The following PDE4D variants were observed in gnomAD, a reference collection of about 807,000 sequenced individuals.
PDE4D encodes the protein 3',5'-cyclic-AMP phosphodiesterase 4D.
Under a neutral mutation model 87.4 loss-of-function variants are expected in PDE4D, and 24 were observed. That is an observed-to-expected ratio of 0.27 (90% CI 0.20 to 0.39). The LOEUF (loss-of-function observed/expected upper bound fraction) is 0.39, where lower values mean the gene tolerates loss of function less well. Among genes scored for constraint, PDE4D ranks in the 10% least tolerant of loss-of-function variants. The pLI, the probability that PDE4D is intolerant of heterozygous loss-of-function variation, is 1.00. For synonymous variants in PDE4D, 384 were observed against 383.2 expected, an observed-to-expected ratio of 1.00 and a Z score of -0.02; for missense variants, 714 against 1,041.0, an observed-to-expected ratio of 0.69 and a Z score of 4.32.
chr5:60,318,081 G>A (rs1229752714), intron 1 of PDE4D, among the ~76,000 whole-genome samples: 3 of 152,144 alleles, frequency 2.0e-5, no homozygotes, highest in Non-Finnish European at 4.4e-5. Context: ...AATGTTGACA[G>A]TGGGGTGTTA....
chr5:60,069,784 T>C (rs1222954285), intron 2 of PDE4D, among the ~76,000 whole-genome samples: 1 of 152,188 alleles, frequency 6.6e-6, no homozygotes, highest in Non-Finnish European at 1.5e-5. Flanking sequence ...GTATGGATAT[T>C]TTAACAATGT....
chr5:59,643,050 C>G lies in PDE4D; in HGVS notation c.455+250118G>C, dbSNP rs1050650545. ...CAAAGGAGTCAGGTTTATGCTTGCT[C>G]ATGAAAGAATGGAAAAACTGGACAA... On this transcript the variant is annotated intron_variant, in intron 1 of 14. Coordinates refer to ENST00000340635, the MANE Select transcript of PDE4D (RefSeq NM_001104631.2). 2.6e-5 allele frequency among the ~76,000 whole-genome samples: 4 copies of G among 152,036 alleles called. 1 individual carries two copies. Among genetic ancestry groups the G allele is most frequent in the Admixed American group, 2.6e-4 (4 of 15,248 alleles).
intron 5 of PDE4D, among the ~76,000 whole-genome samples, chr5:59,160,786 C>T (rs540893894): frequency 2.0e-5 from 3 of 151,980 alleles, no homozygotes; most frequent in African/African-American, 7.2e-5. Flanking sequence ...GATTTCTGAG[C>T]TTAGATGCTC....
At chr5:60,410,222 G>A (rs1207759098) in intron 1 of PDE4D, among the ~76,000 whole-genome samples, 1 of 152,154 alleles carries the variant, frequency 6.6e-6, no homozygotes, top group Non-Finnish European at 1.5e-5. Flanking sequence ...CAAAGGCTGG[G>A]TGTGGAGAGT....
chr5:59,232,697 T>A (rs1180404640), intron 1 of PDE4D, among the ~76,000 whole-genome samples: 1 of 151,840 alleles, frequency 6.6e-6, no homozygotes, highest in African/African-American at 2.4e-5. Flanking sequence ...GGAAAGGAAA[T>A]CTGTATATCA....
At chr5:60,033,933 T>C (rs1767517490) in intron 2 of PDE4D, among the ~76,000 whole-genome samples, 1 of 152,198 alleles carries the variant, frequency 6.6e-6, no homozygotes, top group African/African-American at 2.4e-5. Context: ...TAATATACAC[T>C]GCTAGCTCAG....
At chr5:59,777,986 GTAA>G (rs1303093904) in intron 1 of PDE4D, among the ~76,000 whole-genome samples, 1 of 152,080 alleles carries the variant, frequency 6.6e-6, no homozygotes, top group Non-Finnish European at 1.5e-5. Flanking sequence ...TAAATTAAAA[GTAA>G]TAATTACATA....
rs147977992 is a variant in PDE4D at position 59,154,712 on chromosome 5, G to A, written c.808+25883C>T. Among the ~76,000 whole-genome samples the A allele has an allele frequency of 6.4e-3, 981 of 152,140 alleles. 11 individuals are homozygous for A. The highest frequency in any genetic ancestry group is 0.021 in the African/African-American group (867 of 41,536). ...ACCAGCCTGGCCAACATAGTGAAAC[G>A]CTGTCTCTACTAAAAATACAAAAAT... is the stretch of plus-strand genomic sequence containing the variant. On this transcript the variant is annotated intron_variant, in intron 5 of 14. Coordinates refer to ENST00000340635, the MANE Select transcript of PDE4D (RefSeq NM_001104631.2).
In PDE4D at chr5:60,324,778, G is replaced by A. The variant is rs538440071; in HGVS notation, c.-89-139091C>T. Among the ~76,000 whole-genome samples, 4 of 152,338 alleles carry A rather than the reference G, an allele frequency of 2.6e-5. No homozygotes were observed. In the East Asian group the frequency reaches 7.7e-4, roughly 29 times the overall value. ...TTCCTTAAGTCTGTATAAAATGGAGGTGATAATACCTACGCCTCATATGGT... is the reference window on the plus strand; with the variant it reads ...TTCCTTAAGTCTGTATAAAATGGAGATGATAATACCTACGCCTCATATGGT... On this transcript the variant is annotated intron_variant, in intron 1 of 16. Coordinates refer to the PDE4D transcript ENST00000502484.
intron 1 of PDE4D, among the ~76,000 whole-genome samples, chr5:59,881,111 A>C (rs377740981): frequency 4.2e-4 from 64 of 152,284 alleles, no homozygotes; most frequent in African/African-American, 1.4e-3. Flanking sequence ...TTGAATTGGC[A>C]ATTATTTTCT....
chr5:59,064,929 T>C (rs916599840), intron 5 of PDE4D, among the ~76,000 whole-genome samples: 3 of 152,094 alleles, frequency 2.0e-5, no homozygotes, highest in Non-Finnish European at 4.4e-5. Context: ...GTCCCACTTC[T>C]TGGTATATAT....
chr5:59,023,766 A>G (rs1755679611), intron 6 of PDE4D, among the ~76,000 whole-genome samples: 1 of 152,216 alleles, frequency 6.6e-6, no homozygotes, highest in Non-Finnish European at 1.5e-5. Flanking sequence ...CATGCCTTAC[A>G]TTAGAAGGTA....
intron 1 of PDE4D, among the ~76,000 whole-genome samples, chr5:60,257,186 A>AAAAG (rs199523254): frequency 2.0e-5 from 3 of 147,950 alleles, no homozygotes; most frequent in Admixed American, 6.8e-5. Context: ...CAAAGAAAGA[A>AAAAG]AAAGAAAGAA....
At chr5:60,028,692 G>C (rs1766916496) in intron 2 of PDE4D, among the ~76,000 whole-genome samples, 1 of 152,042 alleles carries the variant, frequency 6.6e-6, no homozygotes, top group East Asian at 1.9e-4. Context: ...ATAGTTCTTT[G>C]CTTTAAGACC....
At chr5:60,088,917 C>T (rs546635785) in intron 2 of PDE4D, among the ~76,000 whole-genome samples, 18 of 152,020 alleles carry the variant, frequency 1.2e-4, no homozygotes, top group Admixed American at 5.9e-4. Flanking sequence ...ATGCTGTCTA[C>T]AAGAAACTCA....
intron 1 of PDE4D, among the ~76,000 whole-genome samples, chr5:59,234,386 CA>C (rs756570627): frequency 1.3e-5 from 2 of 151,880 alleles, no homozygotes; most frequent in Admixed American, 6.6e-5. Flanking sequence ...ATGAGGAGTC[CA>C]AAATGGCACA....
At chr5:59,651,183 G>A (rs2150238526) in intron 1 of PDE4D, among the ~76,000 whole-genome samples, 1 of 151,210 alleles carries the variant, frequency 6.6e-6, no homozygotes, top group South Asian at 2.1e-4. Flanking sequence ...GTGAACCCAG[G>A]AGGCGGAGCT....
chr5:60,413,451 GAGGAGGA>G (rs1041869314), intron 1 of PDE4D, among the ~76,000 whole-genome samples: 2 of 152,150 alleles, frequency 1.3e-5, no homozygotes, highest in African/African-American at 2.4e-5. Flanking sequence ...CTGAAGATGA[GAGGAGGA>G]AGGAGGAAGG....
At chr5:60,044,218 T>C (rs1362462386) in intron 2 of PDE4D, among the ~76,000 whole-genome samples, 3 of 152,080 alleles carry the variant, frequency 2.0e-5, no homozygotes, top group Admixed American at 2.0e-4. Flanking sequence ...ATTGCCCCAA[T>C]AAGATTATTA....
Sources: allele counts gnomAD v4.1 joint callset (sites outside exome capture counted in the v4.1 genomes callset), GRCh38; gene constraint gnomAD v4.1.1; transcripts MANE v1.5; gene names NCBI Gene and HGNC (gene_info 2026-07-23, HGNC 2026-07-21).